TEKT1: variants seen among roughly 807,000 people sequenced by gnomAD.
The protein encoded by TEKT1 is tektin-1.
In TEKT1, 32 loss-of-function variants were observed where a neutral mutation model predicts 34.8. The ratio of observed to expected loss-of-function variants is 0.92; its 90% CI spans 0.69 to 1.23. The LOEUF (loss-of-function observed/expected upper bound fraction) is 1.23. TEKT1 is among the 50% of genes most tolerant of loss of function. The probability of loss-of-function intolerance (pLI) is 0.00; values close to 1 mark genes in which losing one functional copy is unlikely to be tolerated. For missense variants in TEKT1, 492 were observed against 518.5 expected, an observed-to-expected ratio of 0.95 and a Z score of 0.50; for synonymous variants, 207 against 199.8, an observed-to-expected ratio of 1.04 and a Z score of -0.30.
At position 6,819,349 on chromosome 17, in the gene TEKT1, A is replaced by T; in HGVS notation, c.200T>A (p.Leu67His). 1 of 1,613,332 alleles carries T rather than the reference A, an allele frequency of 6.2e-7. No individual in the cohort carries two copies. The highest frequency in any genetic ancestry group is 1.1e-5 in the South Asian group (1 of 90,854). Residue 67 changes from leucine (L) to histidine (H), a missense_variant, in exon 3 of 8, where the codon CTC (leucine) becomes CAC (histidine). Physicochemically the swap from Leu to His is moderately conservative, Grantham distance 99. Coordinates refer to ENST00000338694, the MANE Select transcript of TEKT1 (RefSeq NM_053285.2). ...SDVNKKLEQR[L>H]EEVQFWKKEL... is the part of the protein sequence containing the mutation. Reference sequence around the variant, plus strand: ...CTTCTTCCAGAACTGGACTTCCTCGAGTCTCTGTTCTGAAGCACACGGGGA... The same window carrying T: ...CTTCTTCCAGAACTGGACTTCCTCGTGTCTCTGTTCTGAAGCACACGGGGA...
intron 6 of TEKT1, among the ~76,000 whole-genome samples, chr17:6,804,658 T>G (rs569427081): frequency 0.038 from 5,746 of 152,206 alleles, 153 homozygotes; most frequent in Middle Eastern, 0.14. Context: ...TTATTGAGAG[T>G]TTTTAGCATG....
chr17:6,826,148 T>C (rs1449878596), intron 2 of TEKT1, among the ~76,000 whole-genome samples: 6 of 152,216 alleles, frequency 3.9e-5, no homozygotes, highest in Non-Finnish European at 7.3e-5. Context: ...AGCCATTCCA[T>C]GGCTGTATAA....
At chr17:6,808,336 A>G (rs1360051154) in intron 6 of TEKT1, among the ~76,000 whole-genome samples, 1 of 152,192 alleles carries the variant, frequency 6.6e-6, no homozygotes, top group African/African-American at 2.4e-5. Flanking sequence ...TTAGGGTGGA[A>G]GTGACCTGAT....
At chr17:6,824,120 C>A (rs942573168) in intron 2 of TEKT1, among the ~76,000 whole-genome samples, 1 of 152,132 alleles carries the variant, frequency 6.6e-6, no homozygotes, top group African/African-American at 2.4e-5. Flanking sequence ...CTGCGCCCAG[C>A]CAAAACCTCA....
chr17:6,803,553 G>C (rs4450449), intron 6 of TEKT1, among the ~76,000 whole-genome samples: 1 of 152,176 alleles, frequency 6.6e-6, no homozygotes, highest in Non-Finnish European at 1.5e-5. Context: ...GTCCTGAATG[G>C]TATTGCCTAG....
At chr17:6,826,617 C>CAGATAGATAGATAGAT (rs78082301) in intron 2 of TEKT1, among the ~76,000 whole-genome samples, 4 of 145,886 alleles carry the variant, frequency 2.7e-5, no homozygotes, top group Admixed American at 6.9e-5. Flanking sequence ...CTTAGATTTG[C>CAGATAGATAGATAGAT]AGATAGATAG....
rs749135294 is a variant in TEKT1, at chr17:6,812,850, A to T, written c.833T>A (p.Leu278Gln). Residue 278 changes from leucine (L) to glutamine (Q), a missense_variant, in exon 6 of 8, where the codon CTG becomes CAG. Leu to Gln is a moderately radical substitution (Grantham distance 113). Coordinates refer to ENST00000338694, the MANE Select transcript of TEKT1 (RefSeq NM_053285.2). ...CCTCACCTTGGCCAGATGATCAGCC[A>T]GCTTGTCCCTGGCATCCTTTGTATC... ...LKDTKDARDK[L>Q]ADHLAKVMEE... 1.9e-6 allele frequency: 3 copies of T among 1,613,916 alleles called. No homozygotes were observed. The Admixed American group carries it at 5.0e-5, about 27-fold the overall frequency.
In TEKT1 at chr17:6,800,195, T is replaced by C. The variant is rs1202575834; in HGVS notation, c.1089A>G (p.Lys363=). The change falls in exon 8 of 8, where the codon AAA becomes AAG. Residue 363 remains lysine, a synonymous_variant. Coordinates refer to ENST00000338694, the MANE Select transcript of TEKT1 (RefSeq NM_053285.2). ...ETLAQAQAEL[K]GLHRRQLALQ... ...GGGCAAGCTGTCTGCGATGCAGCCC[T>C]TTCAGCTCTGCCTGAGCTTGGGCTA... 6 of 1,614,042 alleles carry C rather than the reference T, an allele frequency of 3.7e-6. No homozygotes were observed. The highest frequency in any genetic ancestry group is 2.2e-5 in the East Asian group (1 of 44,890).
rs144868175 is a variant in TEKT1, at chr17:6,798,709, G to A, written c.*1318C>T. 7.2e-3 allele frequency: 1,092 copies of A among 152,286 alleles called. 10 individuals carry two copies. Among genetic ancestry groups the A allele is most frequent in the Admixed American group, 0.01 (154 of 15,294 alleles). The allele number at this position is 152,286 out of a possible 1,614,324, so 9.4% of individuals were successfully genotyped here. On this transcript the variant is annotated 3_prime_UTR_variant, in exon 8 of 8. Coordinates refer to ENST00000338694, the MANE Select transcript of TEKT1 (RefSeq NM_053285.2). The stretch of plus-strand genomic sequence containing the variant: ...GATGGCAAAGAGTCTCTGGACCAAG[G>A]AGCACCTAGATTGCAAAGCTCCCAG...
Position 6,800,941 on chromosome 17 carries a change from G to T in TEKT1, c.855C>A (p.Val285=). 1 of 1,611,418 alleles carries T rather than the reference G, an allele frequency of 6.2e-7. No individual in the cohort carries two copies. ...TCTCCTGGGAAGCAATCTCTTCCAT[G>T]ACCTTACAAAAAGGATTAGAGTAGG... ...RDKLADHLAK[V]MEEIASQEKN... Residue 285 remains valine (V), a splice_region_variant and synonymous_variant, in exon 7 of 8, where the codon GTC becomes GTA. Transcript: ENST00000338694.
intron 6 of TEKT1, among the ~76,000 whole-genome samples, chr17:6,808,416 G>A (rs188772827): frequency 8.2e-4 from 125 of 152,252 alleles, no homozygotes; most frequent in Middle Eastern, 3.4e-3. Context: ...TGCACTTCCC[G>A]GGTGAGGCAA....
At chr17:6,802,549 G>A (rs1469511398) in intron 6 of TEKT1, among the ~76,000 whole-genome samples, 1 of 151,458 alleles carries the variant, frequency 6.6e-6, no homozygotes, top group African/African-American at 2.4e-5. Context: ...TGTTACATAT[G>A]TATACATGTG....
chr17:6,820,490 A>C (rs188842291), intron 2 of TEKT1, among the ~76,000 whole-genome samples: 54 of 152,254 alleles, frequency 3.5e-4, no homozygotes, highest in African/African-American at 1.3e-3. Context: ...TTTAAAAAAA[A>C]ATGTTATTGT....
chr17:6,801,961 C>G lies in TEKT1; in HGVS notation c.853-1018G>C, dbSNP rs1976779538. 6.6e-5 allele frequency among the ~76,000 whole-genome samples: 10 copies of G among 152,266 alleles called. 1 individual carries two copies. The South Asian group carries it at 2.1e-3, about 32-fold the overall frequency. On this transcript the variant is annotated intron_variant, in intron 6 of 7. Coordinates refer to ENST00000338694, the MANE Select transcript of TEKT1 (RefSeq NM_053285.2). ...GTCCATCAGCTTAGTTATTTTAAAA[C>G]TAATCCCAGATATTATGTCCTTTTA...
chr17:6,798,702 G>T lies in TEKT1; in HGVS notation c.*1325C>A, dbSNP rs569509116. 6.6e-6 allele frequency: 1 copy of T among 152,230 alleles called. No individual in the cohort carries two copies. The highest frequency in any genetic ancestry group is 2.4e-5 in the African/African-American group (1 of 41,536). The allele number at this position is 152,230 out of a possible 1,614,324, so 9.4% of individuals were successfully genotyped here. Reference sequence around the variant, plus strand: ...CCTTTCTGATGGCAAAGAGTCTCTGGACCAAGGAGCACCTAGATTGCAAAG... The same window carrying T: ...CCTTTCTGATGGCAAAGAGTCTCTGTACCAAGGAGCACCTAGATTGCAAAG... On this transcript the variant is annotated 3_prime_UTR_variant, in exon 8 of 8. Coordinates refer to ENST00000338694, the MANE Select transcript of TEKT1 (RefSeq NM_053285.2).
chr17:6,807,999 G>A (rs910244913), intron 6 of TEKT1, among the ~76,000 whole-genome samples: 21 of 151,370 alleles, frequency 1.4e-4, no homozygotes, highest in African/African-American at 1.7e-4. Context: ...CAAAGCTGTC[G>A]GACAGGGACA....
At chr17:6,813,109 G>C in intron 5 of TEKT1, 56 bp from the exon 6 acceptor site, 1 of 1,467,558 alleles carries the variant, frequency 6.8e-7, no homozygotes, top group Non-Finnish European at 9.4e-7. Context: ...GAAGGGGGTT[G>C]GGAGAGAGGG....
Position 6,799,887 on chromosome 17 carries a change from C to T in TEKT1, c.*140G>A. On this transcript the variant is annotated 3_prime_UTR_variant, in exon 8 of 8. Transcript: ENST00000338694. Reference sequence around the variant, plus strand: ...GAGAAGAAACTCGCCCCAAAATCAGCCCCCTGAGCAGGCTTGGAATGCCAG... The same window carrying T: ...GAGAAGAAACTCGCCCCAAAATCAGTCCCCTGAGCAGGCTTGGAATGCCAG... 1 of 722,200 alleles carries T rather than the reference C, an allele frequency of 1.4e-6. No individual in the cohort carries two copies. Among genetic ancestry groups the T allele is most frequent in the Non-Finnish European group, 2.2e-6 (1 of 458,276 alleles). 44.7% of individuals were successfully genotyped at this position (722,200 alleles called of 1,614,324 possible).
intron 2 of TEKT1, among the ~76,000 whole-genome samples, chr17:6,828,272 T>C (rs1904468160): frequency 6.6e-6 from 1 of 152,140 alleles, no homozygotes; most frequent in African/African-American, 2.4e-5. Context: ...CCTACCTATT[T>C]GCACAATTAT....
Sources: gnomAD v4.1 joint callset for allele counts (sites outside exome capture counted in the v4.1 genomes callset) on GRCh38, gnomAD v4.1.1 for gene constraint, MANE v1.5 for transcripts, NCBI Gene and HGNC (gene_info 2026-07-23, HGNC 2026-07-21) for gene names.